Variants in GPALPP1 observed in about 807,000 individuals in gnomAD.
GPALPP1 encodes the protein GPALPP motifs-containing protein 1.
Under a neutral mutation model 38.9 loss-of-function variants are expected in GPALPP1, and 30 were observed. The observed-to-expected ratio is 0.77, with a 90% CI of 0.58 to 1.05. GPALPP1 has a LOEUF of 1.05. Among genes scored for constraint, GPALPP1 ranks in the 50% least tolerant of loss-of-function variants. GPALPP1 has a pLI of 0.00. For synonymous variants in GPALPP1, 120 were observed against 139.2 expected (o/e 0.86, Z 0.97); for missense variants, 384 against 408.8 (o/e 0.94, Z 0.52).
intron 1 of GPALPP1, among the ~76,000 whole-genome samples, chr13:45,001,384 T>TA (rs1297219044): frequency 6.6e-6 from 1 of 152,302 alleles, no homozygotes; most frequent in East Asian, 1.9e-4. Context: ...AGAACGGACT[T>TA]ACACACCCTA....
downstream of GPALPP1, chr13:45,033,790 T>C (rs1876312694): frequency 1.3e-5 from 2 of 152,354 alleles, 1 homozygote; most frequent in South Asian, 4.1e-4. Flanking sequence ...AATATAACTA[T>C]ACAGATATTA....
At chr13:44,990,042 A>G in intron 1 of GPALPP1, 1 of 514,832 alleles carries the variant, frequency 1.9e-6, no homozygotes, top group South Asian at 3.1e-5. Context: ...AAGCCGTATA[A>G]GAAAAAAACT....
intron 4 of GPALPP1, among the ~76,000 whole-genome samples, chr13:45,009,327 G>A (rs1874317963): frequency 6.6e-6 from 1 of 152,164 alleles, no homozygotes; most frequent in South Asian, 2.1e-4. Flanking sequence ...GTGATTTTAG[G>A]AAAAGATAGA....
chr13:45,028,042 A>G lies in GPALPP1; in HGVS notation c.*39A>G, dbSNP rs191650218. 6,963 of 1,003,320 alleles carry G rather than the reference A, an allele frequency of 6.9e-3. 41 individuals carry two copies. The highest frequency in any genetic ancestry group is 0.018 in the Middle Eastern group (64 of 3,506). The allele number at this position is 1,003,320 out of a possible 1,614,324, so 62.2% of individuals were successfully genotyped here. ...AGTGAGGTATATTTTAATACTGATC[A>G]ATGTGAACTTTTCTAAATACTCTAT... On this transcript the variant is annotated 3_prime_UTR_variant, in exon 8 of 8. Transcript: ENST00000379151.
chr13:45,006,497 A>G (rs190960296), intron 3 of GPALPP1, among the ~76,000 whole-genome samples, 194 bp downstream of exon 3: 4 of 152,358 alleles, frequency 2.6e-5, no homozygotes, highest in East Asian at 1.9e-4. Flanking sequence ...TGACACTTTC[A>G]TAGTTTACAA....
downstream of GPALPP1, among the ~76,000 whole-genome samples, chr13:45,032,539 G>A (rs1010582124): frequency 1.5e-4 from 23 of 151,374 alleles, no homozygotes; most frequent in Admixed American, 1.2e-3. Flanking sequence ...CCAAGTAGCT[G>A]GGACTACAGG....
rs755761092 is a variant in GPALPP1, at chr13:44,995,202, A to ACACACACACC, written c.88+5461_88+5462insACACACACCC. Among the ~76,000 whole-genome samples, 64 of 54,560 alleles carry ACACACACACC rather than the reference A, an allele frequency of 1.2e-3. 1 individual carries two copies. The East Asian group carries it at 0.013, about 11-fold the overall frequency. The allele number at this position is 54,560 out of a possible 152,430, so 35.8% of individuals were successfully genotyped here. On this transcript the variant is annotated intron_variant, in intron 1 of 7. Coordinates refer to ENST00000379151, the MANE Select transcript of GPALPP1 (RefSeq NM_018559.5). ...CACACACACACACACACACACACAC[A>ACACACACACC]CCCCTTCTCTTTTGGTTTCTATGAT...
chr13:45,000,457 ATGTGTG>A lies in GPALPP1; in HGVS notation c.89-3846_89-3841del, dbSNP rs542661142. ...GTGAATGAATACATAAATAAAAGGT[ATGTGTG>A]TACGTTATAATACCAAGAACAGCAC... On this transcript the variant is annotated intron_variant, in intron 1 of 7. Transcript: ENST00000379151. Among the ~76,000 whole-genome samples the A allele has an allele frequency of 2.8e-3, 426 of 152,294 alleles. 3 individuals are homozygous for A. In the South Asian group the frequency reaches 0.031, roughly 11 times the overall value.
intron 1 of GPALPP1, chr13:44,990,089 T>G: frequency 2.0e-6 from 1 of 489,302 alleles, no homozygotes; most frequent in South Asian, 3.8e-5. Context: ...CCCAAGCCCA[T>G]GCCAGTGTCT....
chr13:45,015,320 G>A, intron 5 of GPALPP1, 112 bp from the exon 6 acceptor site: 1 of 638,912 alleles, frequency 1.6e-6, no homozygotes. Flanking sequence ...ATTAGAGTTT[G>A]TTAAGTAACT....
At chr13:45,011,889 G>A (rs914412114) in intron 4 of GPALPP1, among the ~76,000 whole-genome samples, 2 of 152,172 alleles carry the variant, frequency 1.3e-5, no homozygotes, top group African/African-American at 4.8e-5. Context: ...CCATATGGAA[G>A]ACTGAGATGA....
intron 2 of GPALPP1, 82 bp downstream of exon 2, chr13:45,004,519 A>T (rs755946767): frequency 1.2e-6 from 1 of 863,484 alleles, no homozygotes; most frequent in Non-Finnish European, 1.9e-6. Flanking sequence ...TAGTAAGGGG[A>T]TATCATATTT....
Position 45,027,690 on chromosome 13 carries a change from T to G in GPALPP1, c.805-95T>G. The stretch of plus-strand genomic sequence containing the variant: ...GGTTTGTAAATAGCCCTCCTTAATG[T>G]GCACCATTACTATCTATTCCGTTTC... On this transcript the variant is annotated intron_variant, in intron 7 of 7. Transcript: ENST00000379151. 2.6e-5 allele frequency: 16 copies of G among 617,068 alleles called. No homozygotes were observed. The South Asian group carries it at 3.8e-4, about 15-fold the overall frequency. The allele number at this position is 617,068 out of a possible 1,614,324, so 38.2% of individuals were successfully genotyped here.
rs889929628 is a variant in GPALPP1 at position 45,008,781 on chromosome 13, A to C, written c.324-14A>C. The C allele has an allele frequency of 1.4e-6, 2 of 1,401,586 alleles. No homozygotes were observed. The highest frequency in any genetic ancestry group is 2.8e-5 in the African/African-American group (2 of 70,564). 86.8% of individuals were successfully genotyped at this position (1,401,586 alleles called of 1,614,324 possible). A position where few individuals can be genotyped will look rare whatever the true frequency, so the allele number is the denominator to read the frequency against. ...AAGTCAGGGAGAATGATAAAAGTAC[A>C]TTTTATTTTTCAGGCCCATAATAGG... is the stretch of plus-strand genomic sequence containing the variant. On this transcript the variant is annotated splice_polypyrimidine_tract_variant and intron_variant, in intron 3 of 7. Coordinates refer to ENST00000379151, the MANE Select transcript of GPALPP1 (RefSeq NM_018559.5).
intron 4 of GPALPP1, among the ~76,000 whole-genome samples, chr13:45,011,710 C>T (rs186208505): frequency 4.9e-4 from 75 of 152,252 alleles, no homozygotes; most frequent in Non-Finnish European, 1.0e-3. Flanking sequence ...GGGGACACAG[C>T]CAAACCATAT....
intron 4 of GPALPP1, among the ~76,000 whole-genome samples, chr13:45,009,815 A>G (rs1319973398): frequency 6.6e-6 from 1 of 152,208 alleles, no homozygotes; most frequent in Non-Finnish European, 1.5e-5. Flanking sequence ...AGTCACAGAA[A>G]TGAATCTGTC....
intron 7 of GPALPP1, among the ~76,000 whole-genome samples, chr13:45,024,762 T>A (rs1055212884): frequency 6.6e-6 from 1 of 151,840 alleles, no homozygotes; most frequent in South Asian, 2.1e-4. Context: ...CCCCCCTCTA[T>A]ACTAAAAATA....
At chr13:45,006,169 T>C (rs372268469) in intron 2 of GPALPP1, 33 bp from the exon 3 acceptor site, 8 of 1,262,670 alleles carry the variant, frequency 6.3e-6, no homozygotes, top group Non-Finnish European at 9.0e-6. Context: ...AATTTTGACA[T>C]ATATGCATAA....
At chr13:45,035,425 CTG>C (rs1593415178) in exon 8 of GPALPP1, 2 of 152,230 alleles carry the variant, frequency 1.3e-5, no homozygotes, top group Non-Finnish European at 2.9e-5. Flanking sequence ...CCACTAATAA[CTG>C]TCATTAGTTA....
Sources: allele counts gnomAD v4.1 joint callset (sites outside exome capture counted in the v4.1 genomes callset), GRCh38; gene constraint gnomAD v4.1.1; transcripts MANE v1.5; gene names NCBI Gene and HGNC (gene_info 2026-07-23, HGNC 2026-07-21).